SMARCC2: variants seen among roughly 807,000 people sequenced by gnomAD.
SMARCC2 encodes the protein SWI/SNF related BAF chromatin remodeling complex subunit C2.
A neutral mutation model predicts 151.3 loss-of-function variants in SMARCC2; 15 were observed. That is an observed-to-expected ratio of 0.10 (90% CI 0.07 to 0.15). The LOEUF (loss-of-function observed/expected upper bound fraction) is 0.15, where lower values mean the gene tolerates loss of function less well. Among genes scored for constraint, SMARCC2 ranks in the 10% least tolerant of loss-of-function variants. SMARCC2 has a pLI of 1.00. For missense variants in SMARCC2, 1,031 were observed against 1,599.7 expected (o/e 0.64, Z 6.06); for synonymous variants, 590 against 609.5 (o/e 0.97, Z 0.47).
intron 18 of SMARCC2, 44 bp downstream of exon 18, chr12:56,172,893 A>G (rs1419222813): frequency 1.2e-6 from 2 of 1,601,628 alleles, no homozygotes; most frequent in Admixed American, 1.7e-5. Context: ...GCCCCCCAAT[A>G]AAGGGGAAAA....
intron 11 of SMARCC2, among the ~76,000 whole-genome samples, chr12:56,180,528 C>A (rs1001967414): frequency 1.8e-4 from 28 of 151,446 alleles, no homozygotes; most frequent in Non-Finnish European, 3.5e-4. Context: ...CTCGGTCTCC[C>A]GAGTAGCTGG....
chr12:56,188,592 C>A (rs949078917), intron 1 of SMARCC2, among the ~76,000 whole-genome samples: 30 of 152,166 alleles, frequency 2.0e-4, no homozygotes, highest in Non-Finnish European at 3.8e-4. Context: ...ACCTTATGAT[C>A]TCCAGTTATG....
chr12:56,173,259 G>C (rs527599896), intron 17 of SMARCC2, among the ~76,000 whole-genome samples: 1 of 152,242 alleles, frequency 6.6e-6, no homozygotes, highest in South Asian at 2.1e-4. Flanking sequence ...TCTAATCCTA[G>C]ATTTGGTACT....
In SMARCC2 at chr12:56,189,435, G is replaced by A. The variant is rs1330182879; in HGVS notation, c.27C>T (p.Gly9=). MAVRKKDG[G]PNVKYYEAAD... ...CGGCCTCGTAGTACTTCACGTTGGG[G>A]CCGCCGTCCTTCTTCCGCACCGCCA... Residue 9 remains glycine, a synonymous_variant, in exon 1 of 29, where the codon GGC becomes GGT. Transcript: ENST00000550164. 1.3e-6 allele frequency: 2 copies of A among 1,506,180 alleles called. No homozygotes were observed. The highest frequency in any genetic ancestry group is 2.7e-5 in the East Asian group (1 of 36,696). 93.3% of individuals were successfully genotyped at this position (1,506,180 alleles called of 1,614,324 possible).
At chr12:56,168,506 C>G (rs1873276627) in intron 25 of SMARCC2, among the ~76,000 whole-genome samples, 1 of 151,984 alleles carries the variant, frequency 6.6e-6, no homozygotes, top group Admixed American at 6.6e-5. Flanking sequence ...TCCCCAGTAC[C>G]TGGGATTACA....
Position 56,178,426 on chromosome 12 carries a change from C to T in SMARCC2, c.1288G>A (p.Ala430Thr), listed in dbSNP as rs766333429. The change falls in exon 14 of 29, where the codon GCT (alanine) becomes ACT (threonine). Residue 430 changes from alanine to threonine, a missense_variant. Around this residue, in one of 12 missense-constraint regions of SMARCC2, gnomAD observed 51 missense variants for 135.1 expected, o/e 0.38. Coordinates refer to ENST00000550164, the MANE Select transcript of SMARCC2 (RefSeq NM_001330288.2). ...QTHHIIIPSYAAWFDYNSVHA... is the reference protein window; with the variant it reads ...QTHHIIIPSYTAWFDYNSVHA... ...TACCTATTGTAGTCAAACCAGGCAG[C>T]GTAGCTGGGAATGATGATGTGGTGG... 35 of 1,614,098 alleles carry T rather than the reference C, an allele frequency of 2.2e-5. No homozygotes were observed. The Admixed American group carries it at 3.5e-4, about 16-fold the overall frequency.
At chr12:56,166,683 G>A (rs887976844) in intron 26 of SMARCC2, among the ~76,000 whole-genome samples, 3 of 149,820 alleles carry the variant, frequency 2.0e-5, no homozygotes, top group African/African-American at 7.4e-5. Flanking sequence ...TTGACCTCCT[G>A]GGCTCAAACG....
chr12:56,183,837 C>G lies in SMARCC2; in HGVS notation c.632+24G>C, dbSNP rs772435221. On this transcript the variant is annotated intron_variant, in intron 7 of 28. Transcript: ENST00000550164. ...TCTGGGTCTGGCTCTTATACTTAAA[C>G]CTGCCCCAGGAACCCATCCTCACCT... 5.0e-6 allele frequency: 8 copies of G among 1,592,772 alleles called. No homozygotes were observed. In the Admixed American group the frequency reaches 1.3e-4, roughly 27 times the overall value.
At position 56,164,466 on chromosome 12, in the gene SMARCC2, C is replaced by T; in HGVS notation, c.3498G>A (p.Leu1166=). Residue 1166 remains leucine (L), a synonymous_variant, in exon 28 of 29, where the codon CTG becomes CTA. Coordinates refer to ENST00000550164, the MANE Select transcript of SMARCC2 (RefSeq NM_001330288.2). Reference sequence around the variant, plus strand: ...GTAGAGGGTTCGCCATGGACACAGGCAGGTTAGGTGGGGGGAGAGTGCCCG... The same window carrying T: ...GTAGAGGGTTCGCCATGGACACAGGTAGGTTAGGTGGGGGGAGAGTGCCCG... ...FAPGTLPPPN[L]PVSMANPLHP... is the part of the protein sequence containing the mutation. 1 of 1,614,132 alleles carries T rather than the reference C, an allele frequency of 6.2e-7. No homozygotes were observed. Among genetic ancestry groups the T allele is most frequent in the African/African-American group, 1.3e-5 (1 of 75,052 alleles).
chr12:56,178,629 AT>A, intron 13 of SMARCC2, 95 bp from the exon 14 acceptor site: 1 of 1,564,436 alleles, frequency 6.4e-7, no homozygotes, highest in Non-Finnish European at 8.8e-7. Context: ...GACACTAAAG[AT>A]GGGTGATGGG....
chr12:56,185,299 C>T, intron 3 of SMARCC2, 188 bp from the exon 4 acceptor site: 3 of 561,326 alleles, frequency 5.3e-6, no homozygotes, highest in Non-Finnish European at 9.7e-6. Context: ...CTGTCTCAGC[C>T]TCCCCAGTAG....
At chr12:56,169,472 G>T in intron 25 of SMARCC2, 57 bp downstream of exon 25, 1 of 1,561,376 alleles carries the variant, frequency 6.4e-7, no homozygotes. Flanking sequence ...CTCTAAGTGA[G>T]ATGAGATTAG....
Position 56,189,181 on chromosome 12 carries a change from G to A in SMARCC2, c.111+170C>T, listed in dbSNP as rs1165938527. ...TCAGAGGCTGGGGGTGCGGGGAGAG[G>A]GAGGCTGGGGGAGGGGCGCGGGAGC... On this transcript the variant is annotated intron_variant, in intron 1 of 28. Coordinates refer to ENST00000550164, the MANE Select transcript of SMARCC2 (RefSeq NM_001330288.2). Among the ~76,000 whole-genome samples the A allele has an allele frequency of 2.7e-4, 40 of 147,120 alleles. 1 individual carries two copies. In the South Asian group the frequency reaches 7.0e-3, roughly 26 times the overall value.
intron 12 of SMARCC2, 51 bp from the exon 13 acceptor site, chr12:56,178,898 A>C: frequency 6.2e-7 from 1 of 1,605,756 alleles, no homozygotes; most frequent in Non-Finnish European, 8.5e-7. Context: ...AGGGGCAAGA[A>C]AGCCCTACCA....
intron 26 of SMARCC2, among the ~76,000 whole-genome samples, chr12:56,166,492 CCTT>C (rs1872789266): frequency 1.3e-5 from 2 of 151,916 alleles, no homozygotes; most frequent in African/African-American, 4.8e-5. Flanking sequence ...ATACTTTAAA[CCTT>C]CTTAACTGTT....
intron 1 of SMARCC2, among the ~76,000 whole-genome samples, chr12:56,187,956 A>G (rs1021039285): frequency 1.2e-4 from 18 of 152,126 alleles, no homozygotes; most frequent in African/African-American, 4.3e-4. Context: ...CCCTACTTCT[A>G]TGTTTCCACA....
chr12:56,183,215 T>G (rs931673138), intron 7 of SMARCC2: 1 of 152,644 alleles, frequency 6.6e-6, no homozygotes, highest in Admixed American at 6.5e-5. Context: ...AGTGCAGTGG[T>G]GTGATCTTGG....
intron 7 of SMARCC2, 88 bp from the exon 8 acceptor site, chr12:56,182,167 A>G (rs1876345098): frequency 2.3e-6 from 2 of 882,958 alleles, no homozygotes; most frequent in Non-Finnish European, 3.5e-6. Context: ...TTCCATTTAC[A>G]GAAAGTATTG....
chr12:56,185,190 G>GT (rs1876991630), intron 3 of SMARCC2, 79 bp from the exon 4 acceptor site: 1 of 1,170,636 alleles, frequency 8.5e-7, no homozygotes, highest in Middle Eastern at 2.2e-4. Context: ...TTTTTTGTTT[G>GT]TTTTTTGAGA....
Sources: gnomAD v4.1 joint callset for allele counts (sites outside exome capture counted in the v4.1 genomes callset) on GRCh38, gnomAD v4.1.1 for gene constraint, gnomAD v4.1.1 regional missense constraint, MANE v1.5 for transcripts, NCBI Gene and HGNC (gene_info 2026-07-23, HGNC 2026-07-21) for gene names.